Variants in RGPD2 observed in about 807,000 individuals in gnomAD.
RGPD2 encodes RANBP2-like and GRIP domain-containing protein 2.
Under a neutral mutation model 36.0 loss-of-function variants are expected in RGPD2, and 2 were observed. The observed-to-expected ratio is 0.06, with a 90% CI of 0.02 to 0.17. The LOEUF (loss-of-function observed/expected upper bound fraction) is 0.17, where lower values mean the gene tolerates loss of function less well. Ranked by LOEUF, RGPD2 falls within the 10% of genes least tolerant of loss-of-function variation. RGPD2 has a pLI of 1.00. For missense variants in RGPD2, 40 were observed against 464.3 expected (o/e 0.09, Z 8.40); for synonymous variants, 19 against 163.8 (o/e 0.12, Z 6.75).
At chr2:87,972,844 G>C in the RGPD2 span, 6 of 1,611,532 alleles carry the variant, frequency 3.7e-6, no homozygotes, top group Non-Finnish European at 5.1e-6. Context: ...GGCTGCTCTG[G>C]ACTGTCCTCA....
At chr2:87,845,968 T>C in the RGPD2 span, among the ~76,000 whole-genome samples, 2 of 136,604 alleles carry the variant, frequency 1.5e-5, no homozygotes, top group Non-Finnish European at 3.2e-5. Flanking sequence ...GATTAAAATT[T>C]GATTTATGTT....
chr2:87,884,576 A>T, the RGPD2 span, among the ~76,000 whole-genome samples: 1 of 151,740 alleles, frequency 6.6e-6, no homozygotes, highest in Non-Finnish European at 1.5e-5. Context: ...AAGAGAGAAG[A>T]CAAATAAATA....
At chr2:87,853,845 AT>A in the RGPD2 span, among the ~76,000 whole-genome samples, 4 of 152,076 alleles carry the variant, frequency 2.6e-5, no homozygotes, top group African/African-American at 9.7e-5. Flanking sequence ...ATGGTTAGTC[AT>A]TTTGTAAAAA....
chr2:87,925,603 T>C, the RGPD2 span, among the ~76,000 whole-genome samples: 1 of 61,994 alleles, frequency 1.6e-5, no homozygotes, highest in African/African-American at 6.3e-5. Context: ...CCACAATGGT[T>C]GAACTAATTT....
At chr2:87,919,893 A>T in the RGPD2 span, among the ~76,000 whole-genome samples, 1 of 151,932 alleles carries the variant, frequency 6.6e-6, no homozygotes, top group African/African-American at 2.4e-5. Context: ...TACACAATTT[A>T]AAATGGCCAT....
chr2:87,978,918 TAAAAAA>T, the RGPD2 span, among the ~76,000 whole-genome samples: 1 of 129,854 alleles, frequency 7.7e-6, no homozygotes, highest in African/African-American at 3.1e-5. Flanking sequence ...CCCCGTCTCT[TAAAAAA>T]AAAAAAGAAA....
chr2:87,849,478 T>C, the RGPD2 span, among the ~76,000 whole-genome samples: 1 of 152,044 alleles, frequency 6.6e-6, no homozygotes, highest in Non-Finnish European at 1.5e-5. Flanking sequence ...TTCCAAAACA[T>C]TATCATAAGA....
chr2:87,831,511 C>G, the RGPD2 span, among the ~76,000 whole-genome samples: 924 of 151,730 alleles, frequency 6.1e-3, 5 homozygotes, highest in African/African-American at 0.021. Context: ...AGTCAAATTA[C>G]TGTAAGCTGA....
the RGPD2 span, among the ~76,000 whole-genome samples, chr2:87,876,451 T>C: frequency 6.6e-6 from 1 of 152,238 alleles, no homozygotes; most frequent in Non-Finnish European, 1.5e-5. Context: ...TAGTTTCAAA[T>C]AACCTGTTGA....
intron 4 of RGPD2, among the ~76,000 whole-genome samples, chr2:87,815,314 A>G (rs1336777923): frequency 3.3e-5 from 1 of 30,384 alleles, no homozygotes; most frequent in Non-Finnish European, 5.5e-5. Context: ...TAGCAGGCAG[A>G]GCATCCCAAA....
the RGPD2 span, among the ~76,000 whole-genome samples, chr2:87,905,051 G>C: frequency 6.6e-6 from 1 of 152,146 alleles, no homozygotes. Context: ...ATTTTTACCA[G>C]ACCCCTAAGG....
chr2:87,926,917 T>G, the RGPD2 span, among the ~76,000 whole-genome samples: 3 of 119,366 alleles, frequency 2.5e-5, no homozygotes, highest in South Asian at 7.2e-4. Context: ...GTTAAATAAT[T>G]TTTACTAATA....
the RGPD2 span, among the ~76,000 whole-genome samples, chr2:87,966,627 G>T: frequency 6.9e-4 from 105 of 152,014 alleles, no homozygotes; most frequent in South Asian, 7.9e-3. Flanking sequence ...GAACCAATTA[G>T]AACTTAATGC....
At chr2:87,988,843 C>T in the RGPD2 span, among the ~76,000 whole-genome samples, 3 of 151,898 alleles carry the variant, frequency 2.0e-5, no homozygotes, top group Non-Finnish European at 4.4e-5. Context: ...GCCCAGCAGG[C>T]ATGTCCATAT....
chr2:87,900,469 ATTTC>A, the RGPD2 span, among the ~76,000 whole-genome samples: 3 of 75,744 alleles, frequency 4.0e-5, no homozygotes, highest in Admixed American at 1.5e-4. Flanking sequence ...AGTCTCAGGT[ATTTC>A]TTTATAGCAG....
the RGPD2 span, among the ~76,000 whole-genome samples, chr2:87,853,718 T>G: frequency 1.3e-5 from 2 of 151,144 alleles, no homozygotes; most frequent in African/African-American, 2.4e-5. Flanking sequence ...CTAATTATAT[T>G]TTGCTTTCAT....
the RGPD2 span, among the ~76,000 whole-genome samples, chr2:87,886,954 A>G: frequency 6.6e-6 from 1 of 151,696 alleles, no homozygotes; most frequent in African/African-American, 2.4e-5. Flanking sequence ...ATGCCTGATG[A>G]TTGACCCGAG....
the RGPD2 span, among the ~76,000 whole-genome samples, chr2:87,964,285 C>A: frequency 1.3e-5 from 2 of 152,238 alleles, no homozygotes; most frequent in African/African-American, 4.8e-5. Flanking sequence ...CACCATGGCA[C>A]TGAAAATTCC....
chr2:87,867,073 CTAA>C, the RGPD2 span, among the ~76,000 whole-genome samples: 4 of 150,430 alleles, frequency 2.7e-5, no homozygotes, highest in African/African-American at 9.7e-5. Flanking sequence ...ATCCCACTGG[CTAA>C]TAACGGCAAA....
Sources: allele counts gnomAD v4.1 joint callset (sites outside exome capture counted in the v4.1 genomes callset), GRCh38; gene constraint gnomAD v4.1.1; transcripts MANE v1.5; gene names NCBI Gene and HGNC (gene_info 2026-07-23, HGNC 2026-07-21).